The following ENOX1 variants were observed in gnomAD, a reference collection of about 807,000 sequenced individuals.
The protein encoded by ENOX1 is ecto-NOX disulfide-thiol exchanger 1.
A neutral mutation model predicts 82.5 loss-of-function variants in ENOX1; 42 were observed. The ratio of observed to expected loss-of-function variants is 0.51; its 90% CI spans 0.40 to 0.66. ENOX1 has a LOEUF of 0.66. Ranked by LOEUF, ENOX1 falls within the 30% of genes least tolerant of loss-of-function variation. The probability of loss-of-function intolerance (pLI) is 0.00; values close to 1 mark genes in which losing one functional copy is unlikely to be tolerated. For synonymous variants in ENOX1, 271 were observed against 282.2 expected, an observed-to-expected ratio of 0.96 and a Z score of 0.40; for missense variants, 608 against 811.6, an observed-to-expected ratio of 0.75 and a Z score of 3.05.
intron 1 of ENOX1, among the ~76,000 whole-genome samples, chr13:43,693,125 A>G (rs2086455687): frequency 6.6e-6 from 1 of 152,136 alleles, no homozygotes; most frequent in African/African-American, 2.4e-5. Flanking sequence ...ACTTAGAAGG[A>G]TATTTCTCAA....
chr13:43,702,101 T>C (rs1229863638), intron 1 of ENOX1, among the ~76,000 whole-genome samples: 1 of 152,176 alleles, frequency 6.6e-6, no homozygotes, highest in Non-Finnish European at 1.5e-5. Context: ...CACTATGAAA[T>C]TTTTTGAAAC....
intron 1 of ENOX1, among the ~76,000 whole-genome samples, chr13:43,736,610 A>C (rs1180114942): frequency 6.6e-6 from 1 of 152,102 alleles, no homozygotes; most frequent in Non-Finnish European, 1.5e-5. Flanking sequence ...GAATTACTTT[A>C]TCCCGCTTGT....
chr13:43,675,990 G>C (rs7985732), intron 1 of ENOX1, among the ~76,000 whole-genome samples: 1 of 152,140 alleles, frequency 6.6e-6, no homozygotes, highest in Non-Finnish European at 1.5e-5. Context: ...AAGTATTAAG[G>C]TATATTGTGG....
chr13:43,470,178 C>CTA (rs5803180), intron 3 of ENOX1, among the ~76,000 whole-genome samples: 14,553 of 80,940 alleles, frequency 0.18, 2,429 homozygotes, highest in Non-Finnish European at 0.27. Flanking sequence ...AGTTTTCAAA[C>CTA]TATATGTGTG....
intron 7 of ENOX1, among the ~76,000 whole-genome samples, chr13:43,357,784 C>G (rs2050244139): frequency 6.6e-6 from 1 of 152,196 alleles, no homozygotes; most frequent in Non-Finnish European, 1.5e-5. Flanking sequence ...CTAAAATTAG[C>G]TAGGCCTTCA....
chr13:43,516,531 T>C (rs959975297), intron 2 of ENOX1, among the ~76,000 whole-genome samples: 3 of 152,168 alleles, frequency 2.0e-5, no homozygotes, highest in Admixed American at 6.5e-5. Flanking sequence ...TCCTGTCTAC[T>C]GAAGGATCAT....
intron 2 of ENOX1, among the ~76,000 whole-genome samples, chr13:43,571,494 A>G (rs1173923873): frequency 1.3e-5 from 2 of 151,492 alleles, no homozygotes; most frequent in African/African-American, 4.9e-5. Context: ...GCCTGCCAAC[A>G]TGGAGAAACC....
chr13:43,284,281 C>T (rs914137256), intron 12 of ENOX1, among the ~76,000 whole-genome samples: 1 of 151,094 alleles, frequency 6.6e-6, no homozygotes, highest in Non-Finnish European at 1.5e-5. Flanking sequence ...AATATAAACA[C>T]CAGAGAGAAG....
At chr13:43,407,736 C>A (rs1363261551) in intron 5 of ENOX1, among the ~76,000 whole-genome samples, 2 of 152,084 alleles carry the variant, frequency 1.3e-5, no homozygotes, top group Non-Finnish European at 2.9e-5. Flanking sequence ...CATTGTTAGG[C>A]CACCTAAGTA....
At chr13:43,718,676 C>CA (rs61671392) in intron 1 of ENOX1, among the ~76,000 whole-genome samples, 17 of 55,592 alleles carry the variant, frequency 3.1e-4, no homozygotes, top group African/African-American at 1.1e-3. Flanking sequence ...GACTCCGTCT[C>CA]AAAAAAAAAA....
intron 2 of ENOX1, among the ~76,000 whole-genome samples, chr13:43,500,016 C>A (rs199935737): frequency 6.6e-6 from 1 of 151,722 alleles, no homozygotes; most frequent in Non-Finnish European, 1.5e-5. Flanking sequence ...TATGTCATTT[C>A]GAATTATTAA....
intron 8 of ENOX1, among the ~76,000 whole-genome samples, chr13:43,353,952 A>T (rs772805538): frequency 6.6e-6 from 1 of 152,252 alleles, no homozygotes; most frequent in Non-Finnish European, 1.5e-5. Flanking sequence ...CACATACTTC[A>T]TACGTGCGGA....
chr13:43,533,154 G>A (rs1255575890), intron 2 of ENOX1, among the ~76,000 whole-genome samples: 1 of 152,040 alleles, frequency 6.6e-6, no homozygotes. Context: ...TAAAGGGCCT[G>A]GTGAGAAATG....
chr13:43,677,165 T>C (rs1313278851), intron 1 of ENOX1, among the ~76,000 whole-genome samples: 3 of 152,118 alleles, frequency 2.0e-5, no homozygotes, highest in African/African-American at 7.2e-5. Context: ...TCAATGAGAT[T>C]GGCAGAGAAT....
chr13:43,385,280 T>C (rs2153578049), intron 5 of ENOX1, among the ~76,000 whole-genome samples: 1 of 152,288 alleles, frequency 6.6e-6, no homozygotes, highest in East Asian at 1.9e-4. Flanking sequence ...TTAACTTTTA[T>C]ATTGAGCAAC....
chr13:43,587,146 C>A (rs2081035192), intron 2 of ENOX1, among the ~76,000 whole-genome samples: 1 of 151,892 alleles, frequency 6.6e-6, no homozygotes, highest in Admixed American at 6.6e-5. Context: ...AATGCTAAGA[C>A]CTTCATTTTA....
At chr13:43,404,637 ATCT>A (rs1432477923) in intron 5 of ENOX1, among the ~76,000 whole-genome samples, 1 of 152,204 alleles carries the variant, frequency 6.6e-6, no homozygotes, top group Non-Finnish European at 1.5e-5. Context: ...ATTTGATAAC[ATCT>A]TCTTTAGAGA....
At chr13:43,507,318 A>G (rs2077209639) in intron 2 of ENOX1, among the ~76,000 whole-genome samples, 1 of 151,970 alleles carries the variant, frequency 6.6e-6, no homozygotes, top group South Asian at 2.1e-4. Context: ...TTCAAAATTA[A>G]AGGGCTCATC....
chr13:43,252,595 T>TCAA (rs1401561022), intron 14 of ENOX1, among the ~76,000 whole-genome samples: 1 of 152,234 alleles, frequency 6.6e-6, no homozygotes, highest in African/African-American at 2.4e-5. Context: ...CCTTCCAAAT[T>TCAA]CAACTTTTGC....
Sources: gnomAD v4.1 joint callset for allele counts (sites outside exome capture counted in the v4.1 genomes callset) on GRCh38, gnomAD v4.1.1 for gene constraint, MANE v1.5 for transcripts, NCBI Gene and HGNC (gene_info 2026-07-23, HGNC 2026-07-21) for gene names.